The following HDAC9 variants were observed in gnomAD, a reference collection of about 807,000 sequenced individuals.
The protein encoded by HDAC9 is MEF-2 interacting transcription repressor (MITR) protein.
HDAC9 carries 41 observed loss-of-function variants against 139.4 expected under a neutral mutation model. The observed-to-expected ratio is 0.29, with a 90% CI of 0.23 to 0.38. HDAC9 has a LOEUF of 0.38. Among genes scored for constraint, HDAC9 ranks in the 10% least tolerant of loss-of-function variants. The pLI, the probability that HDAC9 is intolerant of heterozygous loss-of-function variation, is 1.00. For missense variants in HDAC9, 1,147 were observed against 1,297.0 expected, an observed-to-expected ratio of 0.88 and a Z score of 1.78; for synonymous variants, 517 against 476.2, an observed-to-expected ratio of 1.09 and a Z score of -1.12.
chr7:18,629,266 C>CTT (rs369822160), intron 6 of HDAC9, 84 bp from the exon 7 acceptor site: 280 of 1,013,622 alleles, frequency 2.8e-4, no homozygotes, highest in South Asian at 7.9e-4. Flanking sequence ...AAGGGTGAGA[C>CTT]TTTTTTTTTT....
chr7:18,956,521 C>G (rs1388581654), intron 24 of HDAC9, among the ~76,000 whole-genome samples: 1 of 151,990 alleles, frequency 6.6e-6, no homozygotes, highest in Non-Finnish European at 1.5e-5. Flanking sequence ...GTAGGTAGGA[C>G]TTGAATAACT....
At chr7:18,209,237 A>AT (rs1791763677) in intron 2 of HDAC9, among the ~76,000 whole-genome samples, 1 of 152,106 alleles carries the variant, frequency 6.6e-6, no homozygotes, top group Non-Finnish European at 1.5e-5. Context: ...ATGCCAAGAG[A>AT]TTTTTCATAC....
chr7:18,901,644 T>C (rs1801735042), intron 22 of HDAC9, among the ~76,000 whole-genome samples: 1 of 152,126 alleles, frequency 6.6e-6, no homozygotes, highest in Non-Finnish European at 1.5e-5. Flanking sequence ...GTATGGGTAT[T>C]TTACCACATA....
At chr7:18,991,815 T>C (rs78952806) in intron 25 of HDAC9, among the ~76,000 whole-genome samples, 2,128 of 152,330 alleles carry the variant, frequency 0.014, 60 homozygotes, top group African/African-American at 0.049. Flanking sequence ...AACAAGAAGG[T>C]ATTGTTTTAC....
chr7:18,938,230 CAAAAAAAAAAA>C (rs71553939), intron 23 of HDAC9, among the ~76,000 whole-genome samples: 2 of 75,352 alleles, frequency 2.7e-5, no homozygotes, highest in East Asian at 4.0e-4. Flanking sequence ...GACTCCGTCT[CAAAAAAAAAAA>C]AAAAAAAAAA....
At chr7:18,650,655 CAG>C (rs1330342129) in intron 11 of HDAC9, among the ~76,000 whole-genome samples, 1 of 152,136 alleles carries the variant, frequency 6.6e-6, no homozygotes, top group Non-Finnish European at 1.5e-5. Flanking sequence ...CAAATCTTAT[CAG>C]AGACCTTTTC....
intron 17 of HDAC9, among the ~76,000 whole-genome samples, chr7:18,827,891 T>C (rs1295475996): frequency 6.6e-6 from 1 of 152,174 alleles, no homozygotes; most frequent in Non-Finnish European, 1.5e-5. Context: ...TCAGTCTCTA[T>C]TATCTTGTGT....
chr7:18,190,335 A>T (rs1790253773), intron 2 of HDAC9, among the ~76,000 whole-genome samples: 1 of 152,214 alleles, frequency 6.6e-6, no homozygotes, highest in Non-Finnish European at 1.5e-5. Context: ...ATAAATAAAT[A>T]TGTGTATATG....
chr7:18,161,134 T>C lies in HDAC9; in HGVS notation c.-96-1095T>C, dbSNP rs746242408. Reference sequence around the variant, plus strand: ...AATTGTCATTAAATCTTAATACTTATTGAGCACCAAGGATGTGATGAGAAG... The same window carrying C: ...AATTGTCATTAAATCTTAATACTTACTGAGCACCAAGGATGTGATGAGAAG... On this transcript the variant is annotated intron_variant, in intron 1 of 12. Coordinates refer to the HDAC9 transcript ENST00000417496. Among the ~76,000 whole-genome samples the C allele has an allele frequency of 2.6e-5, 4 of 152,290 alleles. No individual in the cohort carries two copies. The East Asian group carries it at 5.8e-4, about 22-fold the overall frequency.
At chr7:18,532,231 C>T (rs576792856) in intron 2 of HDAC9, among the ~76,000 whole-genome samples, 1 of 152,098 alleles carries the variant, frequency 6.6e-6, no homozygotes, top group Non-Finnish European at 1.5e-5. Flanking sequence ...GCCTGTGAGA[C>T]GCCATCTCAG....
At chr7:18,108,546 A>G (rs1275509532) in intron 1 of HDAC9, among the ~76,000 whole-genome samples, 2 of 151,316 alleles carry the variant, frequency 1.3e-5, no homozygotes, top group Non-Finnish European at 2.9e-5. Context: ...TTCAAAATGG[A>G]GAATCAAATG....
chr7:18,805,945 C>G (rs949789677), intron 17 of HDAC9, among the ~76,000 whole-genome samples: 5 of 152,162 alleles, frequency 3.3e-5, no homozygotes, highest in African/African-American at 9.7e-5. Flanking sequence ...CCCCAACACA[C>G]AGAGATGTAC....
intron 13 of HDAC9, among the ~76,000 whole-genome samples, chr7:18,734,923 G>T (rs1262965331): frequency 2.0e-5 from 3 of 152,148 alleles, no homozygotes; most frequent in Non-Finnish European, 1.5e-5. Flanking sequence ...TTTAGTGATT[G>T]CTATTCTAAC....
chr7:18,617,921 C>T (rs1252541043), intron 6 of HDAC9, among the ~76,000 whole-genome samples: 3 of 152,134 alleles, frequency 2.0e-5, no homozygotes, highest in African/African-American at 7.2e-5. Context: ...AGGAGACTAA[C>T]TGCTTCCGGA....
chr7:18,647,746 A>G lies in HDAC9; in HGVS notation c.1036-39A>G, dbSNP rs528236151. On this transcript the variant is annotated intron_variant, in intron 9 of 25. Transcript: ENST00000686413. Reference sequence around the variant, plus strand: ...TTTAGAGACCCAGTGACCCACATGGATGAAAGAGGATTAACATCTTTGTTA... The same window carrying G: ...TTTAGAGACCCAGTGACCCACATGGGTGAAAGAGGATTAACATCTTTGTTA... The G allele has an allele frequency of 9.2e-6, 14 of 1,524,616 alleles. No individual in the cohort carries two copies. In the African/African-American group the frequency reaches 1.4e-4, roughly 15 times the overall value. The allele number at this position is 1,524,616 out of a possible 1,614,324, so 94.4% of individuals were successfully genotyped here. A position where few individuals can be genotyped will look rare whatever the true frequency, so the allele number is the denominator to read the frequency against.
chr7:18,482,324 A>G (rs1259609492), intron 1 of HDAC9, among the ~76,000 whole-genome samples: 2 of 136,198 alleles, frequency 1.5e-5, no homozygotes, highest in Non-Finnish European at 3.1e-5. Context: ...CAGGAGAATC[A>G]CTTCAGCCTA....
Position 18,996,833 on chromosome 7 carries a change from CCCCACCT to C in HDAC9, c.*776_*782del, listed in dbSNP as rs1463561054. Reference sequence around the variant, plus strand: ...GCAATTGTGTTGGAGAATGAAGTCCCCCCACCTCCCAGCCACACACACATCCTTTGTT... The same window carrying C: ...GCAATTGTGTTGGAGAATGAAGTCCCCCCAGCCACACACACATCCTTTGTT... On this transcript the variant is annotated 3_prime_UTR_variant, in exon 26 of 26. Coordinates refer to ENST00000686413, the MANE Select transcript of HDAC9 (RefSeq NM_178425.4). 6.6e-6 allele frequency: 1 copy of C among 152,202 alleles called. No individual in the cohort carries two copies. 9.4% of individuals were successfully genotyped at this position (152,202 alleles called of 1,614,324 possible). A position where few individuals can be genotyped will look rare whatever the true frequency, so the allele number is the denominator to read the frequency against.
intron 22 of HDAC9, among the ~76,000 whole-genome samples, chr7:18,916,139 G>A (rs1803189757): frequency 1.3e-5 from 2 of 151,828 alleles, no homozygotes; most frequent in African/African-American, 4.8e-5. Context: ...CATCTCCAAA[G>A]AACAAAGAAA....
At chr7:18,841,002 C>T (rs994544188) in intron 21 of HDAC9, among the ~76,000 whole-genome samples, 13 of 152,048 alleles carry the variant, frequency 8.5e-5, no homozygotes, top group African/African-American at 3.1e-4. Flanking sequence ...GCTCCTTGGA[C>T]AAGTCAATAA....
Sources: allele counts gnomAD v4.1 joint callset (sites outside exome capture counted in the v4.1 genomes callset), GRCh38; gene constraint gnomAD v4.1.1; transcripts MANE v1.5; gene names NCBI Gene and HGNC (gene_info 2026-07-23, HGNC 2026-07-21).